CRISPLD2: variants seen among roughly 807,000 people sequenced by gnomAD.
CRISPLD2 encodes cysteine rich secretory protein LCCL domain containing 2.
In CRISPLD2, 47 loss-of-function variants were observed where a neutral mutation model predicts 71.1. The ratio of observed to expected loss-of-function variants is 0.66; its 90% CI spans 0.52 to 0.84. The LOEUF is 0.84. Among genes scored for constraint, CRISPLD2 ranks in the 40% least tolerant of loss-of-function variants. The pLI, the probability that CRISPLD2 is intolerant of heterozygous loss-of-function variation, is 0.00. For synonymous variants in CRISPLD2, 317 were observed against 250.1 expected (o/e 1.27, Z -2.52); for missense variants, 830 against 651.1 (o/e 1.27, Z -2.99).
chr16:84,903,599 A>T (rs1597489375), intron 14 of CRISPLD2, among the ~76,000 whole-genome samples: 2 of 89,466 alleles, frequency 2.2e-5, no homozygotes, highest in African/African-American at 1.9e-4. Flanking sequence ...CTTAAAATTT[A>T]AAAAAAAAAA....
intron 1 of CRISPLD2, among the ~76,000 whole-genome samples, chr16:84,821,295 C>G (rs1916225542): frequency 6.6e-6 from 1 of 152,192 alleles, no homozygotes; most frequent in Admixed American, 6.5e-5. Flanking sequence ...CCCAGGGCTC[C>G]TTGGGTTGTA....
chr16:84,850,015 T>C (rs1917039676), intron 4 of CRISPLD2, among the ~76,000 whole-genome samples: 1 of 151,936 alleles, frequency 6.6e-6, no homozygotes, highest in Non-Finnish European at 1.5e-5. Context: ...TGTGAGCTAC[T>C]GCACTCAACC....
intron 6 of CRISPLD2, 24 bp downstream of exon 6, chr16:84,854,853 T>C (rs1446829965): frequency 6.3e-7 from 1 of 1,575,080 alleles, no homozygotes; most frequent in East Asian, 2.2e-5. Context: ...TCCCAACACT[T>C]TTGCAATGAA....
intron 7 of CRISPLD2, among the ~76,000 whole-genome samples, chr16:84,867,577 CTT>C (rs1462166531): frequency 2.6e-5 from 4 of 152,132 alleles, no homozygotes; most frequent in Admixed American, 6.6e-5. Context: ...GCCTACAACT[CTT>C]TTTTGAGATG....
chr16:84,834,033 G>T (rs562363604), intron 1 of CRISPLD2, among the ~76,000 whole-genome samples: 3 of 152,334 alleles, frequency 2.0e-5, no homozygotes, highest in South Asian at 4.1e-4. Context: ...CTAAGCCAAG[G>T]GCATACCTGG....
intron 14 of CRISPLD2, among the ~76,000 whole-genome samples, chr16:84,892,369 C>G (rs1236656768): frequency 3.9e-5 from 6 of 152,232 alleles, no homozygotes; most frequent in Non-Finnish European, 8.8e-5. Flanking sequence ...AAACCTGACA[C>G]AAGTCAGTCA....
At chr16:84,849,587 G>T in intron 4 of CRISPLD2, 70 bp downstream of exon 4, 2 of 1,317,326 alleles carry the variant, frequency 1.5e-6, no homozygotes, top group Non-Finnish European at 2.1e-6. Flanking sequence ...TGCCCCTGGG[G>T]GATTGTCAAA....
At chr16:84,866,307 C>T (rs909521515) in intron 6 of CRISPLD2, among the ~76,000 whole-genome samples, 1 of 151,534 alleles carries the variant, frequency 6.6e-6, no homozygotes, top group Non-Finnish European at 1.5e-5. Context: ...AATCTCGGCT[C>T]ACTGCAACCT....
intron 14 of CRISPLD2, among the ~76,000 whole-genome samples, chr16:84,900,412 G>A (rs8051912): frequency 0.21 from 32,467 of 151,974 alleles, 5,607 homozygotes; most frequent in East Asian, 0.48. Context: ...CCCAGAAATG[G>A]TGACTAGGCT....
intron 5 of CRISPLD2, among the ~76,000 whole-genome samples, chr16:84,853,356 G>A (rs1917141748): frequency 6.6e-6 from 1 of 152,168 alleles, no homozygotes; most frequent in Non-Finnish European, 1.5e-5. Flanking sequence ...GAAGACCCCC[G>A]GGGATCTGAA....
intron 1 of CRISPLD2, among the ~76,000 whole-genome samples, chr16:84,824,396 G>A (rs942770305): frequency 2.6e-5 from 4 of 152,218 alleles, no homozygotes; most frequent in South Asian, 2.1e-4. Context: ...CCTCCAAAGT[G>A]TGCAGAGCCA....
At chr16:84,857,617 C>T (rs971562164) in intron 6 of CRISPLD2, among the ~76,000 whole-genome samples, 4 of 152,196 alleles carry the variant, frequency 2.6e-5, no homozygotes, top group African/African-American at 9.7e-5. Flanking sequence ...CACTGCCATC[C>T]CTCAAGCATG....
At chr16:84,850,961 A>G (rs1248565783) in intron 5 of CRISPLD2, among the ~76,000 whole-genome samples, 1 of 152,168 alleles carries the variant, frequency 6.6e-6, no homozygotes, top group African/African-American at 2.4e-5. Flanking sequence ...AGGATGGTCA[A>G]AGGGCTCTCT....
intron 2 of CRISPLD2, chr16:84,838,939 A>G (rs185001045): frequency 8.3e-5 from 62 of 743,796 alleles, no homozygotes; most frequent in Admixed American, 2.0e-4. Flanking sequence ...CTGACGCTGG[A>G]GTGCAATGGC....
At chr16:84,884,060 G>T (rs572112294) in intron 13 of CRISPLD2, among the ~76,000 whole-genome samples, 1 of 152,070 alleles carries the variant, frequency 6.6e-6, no homozygotes. Context: ...GGCCAGGTTG[G>T]TCTCGAACTC....
intron 8 of CRISPLD2, among the ~76,000 whole-genome samples, chr16:84,869,469 C>T (rs747421025): frequency 3.9e-5 from 6 of 152,182 alleles, no homozygotes; most frequent in East Asian, 1.9e-4. Context: ...GTTGAATCTT[C>T]GGTTTTATAT....
chr16:84,876,936 C>T (rs1369466196), intron 11 of CRISPLD2, among the ~76,000 whole-genome samples: 3 of 152,170 alleles, frequency 2.0e-5, no homozygotes, highest in Non-Finnish European at 4.4e-5. Flanking sequence ...GATAAAAGCC[C>T]CTCGCCCCTC....
chr16:84,863,749 C>T (rs1297275014), intron 6 of CRISPLD2, among the ~76,000 whole-genome samples: 1 of 152,086 alleles, frequency 6.6e-6, no homozygotes, highest in Non-Finnish European at 1.5e-5. Flanking sequence ...GCGGGCAGAT[C>T]ACCGAGGTCG....
chr16:84,850,101 T>A (rs1917042683), intron 4 of CRISPLD2, among the ~76,000 whole-genome samples: 2 of 151,526 alleles, frequency 1.3e-5, no homozygotes, highest in Admixed American at 1.3e-4. Context: ...CTTGCTTTTT[T>A]TTTTTTTGAA....
Sources: allele counts gnomAD v4.1 joint callset (sites outside exome capture counted in the v4.1 genomes callset), GRCh38; gene constraint gnomAD v4.1.1; transcripts MANE v1.5; gene names NCBI Gene and HGNC (gene_info 2026-07-23, HGNC 2026-07-21).